Variants in ZNF563 observed in about 807,000 individuals in gnomAD.
ZNF563 encodes zinc finger protein 563.
Under a neutral mutation model 48.5 loss-of-function variants are expected in ZNF563, and 39 were observed. The ratio of observed to expected loss-of-function variants is 0.80; its 90% CI spans 0.62 to 1.05. The LOEUF is 1.05. Ranked by LOEUF, ZNF563 falls within the 50% of genes least tolerant of loss-of-function variation. The pLI is 0.00. For missense variants in ZNF563, 538 were observed against 597.0 expected, an observed-to-expected ratio of 0.90 and a Z score of 1.03; for synonymous variants, 168 against 187.9, an observed-to-expected ratio of 0.89 and a Z score of 0.87.
In ZNF563 at chr19:12,322,295, C is replaced by T. The variant is rs929085776; in HGVS notation, c.130+290G>A. On this transcript the variant is annotated intron_variant, in intron 2 of 3. Transcript: ENST00000293725. ...GGTCTCGAACTCCTGACCTCATGAT[C>T]CGCCCACCTTGGCCTCCCAACATGC... is the stretch of plus-strand genomic sequence containing the variant. Among the ~76,000 whole-genome samples, 7 of 152,248 alleles carry T rather than the reference C, an allele frequency of 4.6e-5. No individual in the cohort carries two copies. In the East Asian group the frequency reaches 1.4e-3, roughly 29 times the overall value.
At chr19:12,322,759 G>GA in intron 1 of ZNF563, 48 bp from the exon 2 acceptor site, 1 of 1,522,746 alleles carries the variant, frequency 6.6e-7, no homozygotes, top group Non-Finnish European at 8.8e-7. Context: ...TGACAGTACT[G>GA]AAAAAACTAT....
At chr19:12,330,272 A>G (rs1599576299) in intron 1 of ZNF563, among the ~76,000 whole-genome samples, 1 of 152,242 alleles carries the variant, frequency 6.6e-6, no homozygotes, top group East Asian at 1.9e-4. Context: ...CCCTAGTACC[A>G]AAAATAGACA....
intron 1 of ZNF563, among the ~76,000 whole-genome samples, chr19:12,330,611 T>A (rs547295240): frequency 1.3e-5 from 2 of 152,252 alleles, no homozygotes; most frequent in South Asian, 4.1e-4. Flanking sequence ...ATTTAAGGTA[T>A]GAGAAACTAT....
intron 1 of ZNF563, among the ~76,000 whole-genome samples, chr19:12,328,428 T>C (rs1214151899): frequency 6.6e-6 from 1 of 152,146 alleles, no homozygotes; most frequent in African/African-American, 2.4e-5. Context: ...ACTATGATCA[T>C]GGCACTCCAC....
At chr19:12,323,172 G>A (rs182735554) in intron 1 of ZNF563, among the ~76,000 whole-genome samples, 7 of 152,312 alleles carry the variant, frequency 4.6e-5, no homozygotes, top group African/African-American at 1.7e-4. Context: ...ACTAATAACA[G>A]AGCTCGATTG....
In ZNF563 at chr19:12,318,427, T is replaced by A; in HGVS notation, c.*167A>T. Reference sequence around the variant, plus strand: ...AAATCGATCACTTTCCCACATTCCTTATATCATACAGCATCTCTCCAGTGT... The same window carrying A: ...AAATCGATCACTTTCCCACATTCCTAATATCATACAGCATCTCTCCAGTGT... On this transcript the variant is annotated 3_prime_UTR_variant, in exon 4 of 4. Transcript: ENST00000293725. The A allele has an allele frequency of 1.3e-6, 1 of 796,726 alleles. No individual in the cohort carries two copies. Among genetic ancestry groups the A allele is most frequent in the South Asian group, 2.0e-5 (1 of 50,970 alleles). 49.4% of individuals were successfully genotyped at this position (796,726 alleles called of 1,614,324 possible). A position where few individuals can be genotyped will look rare whatever the true frequency, so the allele number is the denominator to read the frequency against.
chr19:12,338,171 G>A (rs951501068), upstream of ZNF563, among the ~76,000 whole-genome samples: 1 of 152,122 alleles, frequency 6.6e-6, no homozygotes, highest in African/African-American at 2.4e-5. Context: ...GTAGATGGCA[G>A]GGTACCAAGC....
intron 2 of ZNF563, among the ~76,000 whole-genome samples, chr19:12,321,547 C>T (rs914782372): frequency 6.6e-6 from 1 of 152,012 alleles, no homozygotes; most frequent in Non-Finnish European, 1.5e-5. Flanking sequence ...TGGGTTCAAG[C>T]GATTCTCCTG....
Position 12,319,438 on chromosome 19 carries a change from G to A in ZNF563, c.587C>T (p.Pro196Leu). The change falls in exon 4 of 4, where the codon CCT becomes CTT. Residue 196 changes from proline to leucine, a missense_variant. Physicochemically the swap from Pro to Leu is moderately conservative, Grantham distance 98. Transcript: ENST00000293725. ...RHMVVQGGNR[P>L]YKCKLCGKAF... is the part of the protein sequence containing the mutation. ...TTTCCCACACAACTTACATTTATAA[G>A]GTCTATTTCCACCTTGCACTACCAT... 5.6e-6 allele frequency: 9 copies of A among 1,614,186 alleles called. No homozygotes were observed. The highest frequency in any genetic ancestry group is 7.6e-6 in the Non-Finnish European group (9 of 1,180,038).
At chr19:12,336,111 GTCTA>G (rs1453661708), upstream of ZNF563, among the ~76,000 whole-genome samples, 1 of 152,128 alleles carries the variant, frequency 6.6e-6, no homozygotes, top group African/African-American at 2.4e-5. Flanking sequence ...TTCTTCCTGT[GTCTA>G]TATATAAAGT....
intron 3 of ZNF563, among the ~76,000 whole-genome samples, chr19:12,320,048 C>A (rs1968568562): frequency 6.6e-6 from 1 of 152,014 alleles, no homozygotes; most frequent in African/African-American, 2.4e-5. Flanking sequence ...TCCCAAGTAG[C>A]CGGGATTAGA....
chr19:12,333,508 G>T lies in ZNF563; in HGVS notation c.-26C>A. ...TTCCCGGCTTCCGGGATGTTCCAGG[G>T]TCCTCCCTCTGCCTCCCGCTGCCAG... On this transcript the variant is annotated 5_prime_UTR_variant, in exon 1 of 4. Coordinates refer to ENST00000293725, the MANE Select transcript of ZNF563 (RefSeq NM_145276.3). 6.2e-7 allele frequency: 1 copy of T among 1,613,488 alleles called. No individual in the cohort carries two copies. Among genetic ancestry groups the T allele is most frequent in the Non-Finnish European group, 8.5e-7 (1 of 1,179,750 alleles).
At chr19:12,337,887 C>T (rs1969035988), upstream of ZNF563, among the ~76,000 whole-genome samples, 1 of 152,098 alleles carries the variant, frequency 6.6e-6, no homozygotes, top group South Asian at 2.1e-4. Flanking sequence ...GCTAGAAGTT[C>T]AAGACCAGCC....
Position 12,319,145 on chromosome 19 carries a change from T to C in ZNF563, c.880A>G (p.Ser294Gly). ...KQCGKAFSVS[S>G]SLRRHETTHS... ...GTGGTTTCATGTCTTCGAAGGGAACTGGAAACACTGAAGGCTTTCCCACAC... is the reference window on the plus strand; with the variant it reads ...GTGGTTTCATGTCTTCGAAGGGAACCGGAAACACTGAAGGCTTTCCCACAC... The change falls in exon 4 of 4, where the codon AGT becomes GGT. Residue 294 changes from serine to glycine, a missense_variant. By Grantham distance (56) the Ser-to-Gly change is moderately conservative. Coordinates refer to ENST00000293725, the MANE Select transcript of ZNF563 (RefSeq NM_145276.3). 1 of 1,614,022 alleles carries C rather than the reference T, an allele frequency of 6.2e-7. No homozygotes were observed. Among genetic ancestry groups the C allele is most frequent in the Non-Finnish European group, 8.5e-7 (1 of 1,179,994 alleles).
chr19:12,341,986 A>G, the ZNF563 span, among the ~76,000 whole-genome samples: 1 of 152,348 alleles, frequency 6.6e-6, no homozygotes, highest in Admixed American at 6.5e-5. Flanking sequence ...AGGTCTTCAT[A>G]CAATTCTAAA....
intron 1 of ZNF563, 123 bp downstream of exon 1, chr19:12,333,356 AG>A: frequency 7.5e-7 from 1 of 1,339,282 alleles, no homozygotes; most frequent in East Asian, 2.5e-5. Flanking sequence ...GAGCTGCGCC[AG>A]GGGGACTCGG....
At chr19:12,345,502 T>C in the ZNF563 span, among the ~76,000 whole-genome samples, 1 of 152,192 alleles carries the variant, frequency 6.6e-6, no homozygotes, top group Non-Finnish European at 1.5e-5. Context: ...TTTCAAAAAA[T>C]GGTGTTGGGA....
chr19:12,332,422 T>C (rs1208483791), intron 1 of ZNF563, among the ~76,000 whole-genome samples: 3 of 150,006 alleles, frequency 2.0e-5, no homozygotes, highest in Non-Finnish European at 3.0e-5. Flanking sequence ...GTGATCTCAG[T>C]TCACTGCAAC....
At chr19:12,320,049 C>G (rs991030985) in intron 3 of ZNF563, among the ~76,000 whole-genome samples, 1 of 151,740 alleles carries the variant, frequency 6.6e-6, no homozygotes, top group African/African-American at 2.4e-5. Context: ...CCCAAGTAGC[C>G]GGGATTAGAG....
Sources: gnomAD v4.1 joint callset for allele counts (sites outside exome capture counted in the v4.1 genomes callset) on GRCh38, gnomAD v4.1.1 for gene constraint, MANE v1.5 for transcripts, NCBI Gene and HGNC (gene_info 2026-07-23, HGNC 2026-07-21) for gene names.